GPHN: variants seen among roughly 807,000 people sequenced by gnomAD.
GPHN encodes gephyrin.
GPHN carries 17 observed loss-of-function variants against 95.5 expected under a neutral mutation model. The ratio of observed to expected loss-of-function variants is 0.18; its 90% CI spans 0.12 to 0.27. The LOEUF is 0.27. GPHN is among the 10% of genes least tolerant of loss of function. The probability of loss-of-function intolerance (pLI) is 1.00; values close to 1 mark genes in which losing one functional copy is unlikely to be tolerated. For synonymous variants in GPHN, 320 were observed against 322.5 expected, an observed-to-expected ratio of 0.99 and a Z score of 0.08; for missense variants, 660 against 978.1, an observed-to-expected ratio of 0.67 and a Z score of 4.34.
chr14:67,731,941 C>T, the GPHN span, among the ~76,000 whole-genome samples: 40 of 151,626 alleles, frequency 2.6e-4, no homozygotes, highest in African/African-American at 8.0e-4. Context: ...GCCTGGCCAA[C>T]GTGGTGTAAC....
chr14:66,568,202 A>C (rs140644409), intron 1 of GPHN, among the ~76,000 whole-genome samples: 77 of 152,328 alleles, frequency 5.1e-4, no homozygotes, highest in African/African-American at 1.7e-3. Flanking sequence ...TAGAATGTTA[A>C]TGAAGCTACA....
intron 9 of GPHN, among the ~76,000 whole-genome samples, chr14:67,011,605 ATT>A (rs1165894378): frequency 2.0e-5 from 3 of 150,974 alleles, no homozygotes; most frequent in Non-Finnish European, 4.4e-5. Flanking sequence ...AAGAAGGAAA[ATT>A]AGGATTGTGT....
At chr14:66,518,312 A>C (rs2058336174) in intron 1 of GPHN, among the ~76,000 whole-genome samples, 1 of 152,108 alleles carries the variant, frequency 6.6e-6, no homozygotes, top group South Asian at 2.1e-4. Context: ...AGTTAGGATC[A>C]CTGTTATCAA....
At chr14:67,117,587 A>G (rs1484996306) in intron 16 of GPHN, among the ~76,000 whole-genome samples, 1 of 152,194 alleles carries the variant, frequency 6.6e-6, no homozygotes, top group Non-Finnish European at 1.5e-5. Flanking sequence ...TAGAATGGGT[A>G]GAGAGGAAAT....
chr14:66,812,994 A>G (rs1052829121), intron 3 of GPHN, among the ~76,000 whole-genome samples: 1 of 152,230 alleles, frequency 6.6e-6, no homozygotes, highest in Non-Finnish European at 1.5e-5. Context: ...TACAGTATCA[A>G]TTTAATAGTA....
the GPHN span, chr14:67,343,265 T>G: frequency 2.5e-6 from 2 of 795,032 alleles, no homozygotes; most frequent in East Asian, 2.7e-5. Flanking sequence ...AAGGGAAGCA[T>G]CTTATTCATC....
chr14:67,053,112 G>C (rs1429304985), intron 10 of GPHN, among the ~76,000 whole-genome samples: 1 of 136,582 alleles, frequency 7.3e-6, no homozygotes, highest in Non-Finnish European at 1.5e-5. Context: ...GATCAGAGCA[G>C]AACTGAAGGA....
intron 8 of GPHN, 40 bp downstream of exon 8, chr14:66,924,332 T>C (rs200818040): frequency 1.8e-4 from 188 of 1,036,014 alleles, no homozygotes; most frequent in Admixed American, 6.0e-4. Context: ...TTTCCAAATA[T>C]GTATTCTACT....
At chr14:66,688,473 G>A (rs1353552315) in intron 2 of GPHN, among the ~76,000 whole-genome samples, 3 of 152,170 alleles carry the variant, frequency 2.0e-5, no homozygotes, top group African/African-American at 4.8e-5. Flanking sequence ...AAAATGGATT[G>A]CTTTTTCAGT....
the GPHN span, among the ~76,000 whole-genome samples, chr14:67,438,820 C>G: frequency 2.1e-5 from 3 of 143,742 alleles, no homozygotes; most frequent in Admixed American, 7.2e-5. Flanking sequence ...GAGATGGTGC[C>G]ACTGCACTCT....
intron 2 of GPHN, among the ~76,000 whole-genome samples, chr14:66,685,415 A>G (rs1218564786): frequency 1.2e-4 from 18 of 151,906 alleles, no homozygotes; most frequent in South Asian, 4.1e-4. Context: ...AGCACCTGTT[A>G]TTTCCTGACT....
At chr14:67,594,090 A>G in the GPHN span, 1 of 619,242 alleles carries the variant, frequency 1.6e-6, no homozygotes, top group Non-Finnish European at 2.9e-6. Flanking sequence ...ATACAGTGAA[A>G]CAGATCCAGA....
chr14:67,508,765 A>AC, the GPHN span, among the ~76,000 whole-genome samples: 5 of 150,592 alleles, frequency 3.3e-5, no homozygotes, highest in African/African-American at 1.2e-4. Flanking sequence ...AAAAAAAAAA[A>AC]AAAAAACAGA....
chr14:66,961,901 T>TATAC (rs2068936004), intron 8 of GPHN, among the ~76,000 whole-genome samples: 1 of 23,002 alleles, frequency 4.3e-5, no homozygotes, highest in Non-Finnish European at 2.4e-4. Context: ...CCTGAATGTG[T>TATAC]ATATATATAT....
At chr14:67,462,883 T>C in the GPHN span, among the ~76,000 whole-genome samples, 2 of 152,246 alleles carry the variant, frequency 1.3e-5, no homozygotes, top group Non-Finnish European at 2.9e-5. Context: ...ACCAATACCA[T>C]AGCCAATGGG....
At chr14:67,053,867 G>A (rs1437765004) in intron 10 of GPHN, among the ~76,000 whole-genome samples, 1 of 152,160 alleles carries the variant, frequency 6.6e-6, no homozygotes, top group Non-Finnish European at 1.5e-5. Context: ...AAAACCGCAT[G>A]ATTATCTCAA....
At chr14:67,326,902 C>T in the GPHN span, among the ~76,000 whole-genome samples, 1 of 152,214 alleles carries the variant, frequency 6.6e-6, no homozygotes, top group Non-Finnish European at 1.5e-5. Context: ...GGGCCGGGCA[C>T]AGTGGCTCAC....
chr14:67,339,079 C>T, the GPHN span, among the ~76,000 whole-genome samples: 2 of 148,644 alleles, frequency 1.3e-5, no homozygotes, highest in East Asian at 2.0e-4. Context: ...CTCACTACAA[C>T]CTCCACCTTT....
Position 67,075,873 on chromosome 14 carries a change from A to C in GPHN, c.1145-13110A>C, listed in dbSNP as rs146743255. Among the ~76,000 whole-genome samples the C allele has an allele frequency of 5.6e-4, 85 of 152,316 alleles. 2 individuals are homozygous for C. The highest frequency in any genetic ancestry group is 4.6e-3 in the Admixed American group (71 of 15,296). On this transcript the variant is annotated intron_variant, in intron 11 of 22. Coordinates refer to ENST00000478722, the MANE Select transcript of GPHN (RefSeq NM_020806.5). ...AAAGAAAGGGGCTTCTTAAGATGGA[A>C]TCTACTGATAAAAATGCTGTAGACA...
Sources: allele counts gnomAD v4.1 joint callset (sites outside exome capture counted in the v4.1 genomes callset), GRCh38; gene constraint gnomAD v4.1.1; transcripts MANE v1.5; gene names NCBI Gene and HGNC (gene_info 2026-07-23, HGNC 2026-07-21).